Variants in ACAT1 observed in about 807,000 individuals in gnomAD.
ACAT1 encodes acetyl-CoA acetyltransferase, mitochondrial.
In ACAT1, 28 loss-of-function variants were observed where a neutral mutation model predicts 47.3. The observed-to-expected ratio is 0.59, with a 90% confidence interval of 0.44 to 0.81. ACAT1 has a LOEUF of 0.81. ACAT1 is among the 30% of genes least tolerant of loss of function. The probability of loss-of-function intolerance (pLI) is 0.00; values close to 1 mark genes in which losing one functional copy is unlikely to be tolerated. For synonymous variants in ACAT1, 181 were observed against 173.6 expected (o/e 1.04, Z -0.34); for missense variants, 469 against 524.3 (o/e 0.89, Z 1.03).
rs757381257 is a variant in ACAT1, at chr11:108,143,973, T to C, written c.941-10T>C. The C allele has an allele frequency of 4.3e-6, 3 of 689,756 alleles. No homozygotes were observed. The highest frequency in any genetic ancestry group is 7.4e-6 in the Non-Finnish European group (3 of 403,392). 42.7% of individuals were successfully genotyped at this position (689,756 alleles called of 1,614,324 possible). ...ATTTTAACAACCCCCCCCCCCCTTT[T>C]TTTAAACAGCATTTGCTGACGCTGC... On this transcript the variant is annotated splice_polypyrimidine_tract_variant and intron_variant, in intron 9 of 11. Transcript: ENST00000265838.
At chr11:108,119,299 G>A (rs957122973), upstream of ACAT1, among the ~76,000 whole-genome samples, 2 of 151,966 alleles carry the variant, frequency 1.3e-5, no homozygotes, top group African/African-American at 2.4e-5. Flanking sequence ...CACCTCCCAG[G>A]TTTAAGCAAT....
intron 1 of ACAT1, among the ~76,000 whole-genome samples, chr11:108,127,564 G>A (rs1019523743): frequency 6.6e-6 from 1 of 152,056 alleles, no homozygotes; most frequent in Non-Finnish European, 1.5e-5. Context: ...CACTGTGCCC[G>A]GCCTCATAAA....
intron 8 of ACAT1, among the ~76,000 whole-genome samples, chr11:108,141,912 C>T (rs1471660807): frequency 2.6e-5 from 4 of 151,974 alleles, no homozygotes; most frequent in African/African-American, 7.3e-5. Context: ...CTATAGAATT[C>T]AGTTTTTCAT....
intron 1 of ACAT1, among the ~76,000 whole-genome samples, chr11:108,129,928 AT>A (rs1305449253): frequency 6.6e-6 from 1 of 151,978 alleles, no homozygotes; most frequent in African/African-American, 2.4e-5. Flanking sequence ...TTTATTTTTT[AT>A]TTTTATATAT....
intron 1 of ACAT1, among the ~76,000 whole-genome samples, chr11:108,127,117 CA>C (rs2077265056): frequency 6.6e-6 from 1 of 151,688 alleles, no homozygotes; most frequent in African/African-American, 2.4e-5. Flanking sequence ...CACCTGGCCA[CA>C]AACAGGTTTT....
At chr11:108,121,865 T>C in intron 1 of ACAT1, 187 bp downstream of exon 1, 1 of 621,468 alleles carries the variant, frequency 1.6e-6, no homozygotes, top group Non-Finnish European at 2.8e-6. Context: ...GGGACTCGCC[T>C]ATTTTTACAG....
intron 7 of ACAT1, 34 bp from the exon 8 acceptor site, chr11:108,141,571 T>C (rs777334733): frequency 7.1e-6 from 11 of 1,546,368 alleles, no homozygotes; most frequent in Non-Finnish European, 9.8e-6. Context: ...ACTACTTGTT[T>C]TGAGCGATTT....
chr11:108,121,397 T>C (rs2077144235), upstream of ACAT1: 1 of 621,334 alleles, frequency 1.6e-6, no homozygotes, highest in Admixed American at 2.6e-5. Flanking sequence ...ATCCACGTCC[T>C]TCACTCGTCA....
chr11:108,117,062 G>A (rs1351254144), upstream of ACAT1, among the ~76,000 whole-genome samples: 2 of 152,084 alleles, frequency 1.3e-5, no homozygotes, highest in African/African-American at 2.4e-5. Flanking sequence ...TTGGGGTGAT[G>A]GGCAGAGGAA....
chr11:108,139,086 CTG>C, intron 6 of ACAT1, 45 bp downstream of exon 6: 7 of 1,608,490 alleles, frequency 4.4e-6, no homozygotes, highest in Non-Finnish European at 6.0e-6. Context: ...ATGTCCAATA[CTG>C]TTTGATTTTT....
upstream of ACAT1, among the ~76,000 whole-genome samples, chr11:108,117,958 C>T (rs973074536): frequency 7.2e-5 from 11 of 152,056 alleles, no homozygotes; most frequent in African/African-American, 2.2e-4. Flanking sequence ...ACAAGTTTGC[C>T]ACTAGATGGA....
At chr11:108,133,788 C>G in intron 2 of ACAT1, 32 bp from the exon 3 acceptor site, 1 of 1,516,146 alleles carries the variant, frequency 6.6e-7, no homozygotes, top group Non-Finnish European at 9.2e-7. Flanking sequence ...GGGTAAAATA[C>G]CTATAATTTT....
chr11:108,132,811 G>C (rs372348173), intron 2 of ACAT1, among the ~76,000 whole-genome samples: 1 of 124,638 alleles, frequency 8.0e-6, no homozygotes, highest in Non-Finnish European at 1.6e-5. Flanking sequence ...TTGAGATCAC[G>C]TGCCTGCACT....
chr11:108,144,134 T>C, intron 10 of ACAT1, 87 bp downstream of exon 10: 1 of 1,437,534 alleles, frequency 7.0e-7, no homozygotes, highest in South Asian at 1.2e-5. Context: ...TTTTAAATGT[T>C]ATCTGCCAAA....
intron 9 of ACAT1, chr11:108,142,843 AAAT>A (rs2077620208): frequency 5.6e-6 from 2 of 359,652 alleles, no homozygotes. Flanking sequence ...TCTTAAAAAA[AAAT>A]AAGGTTTCTA....
chr11:108,119,021 A>G (rs2077107646), upstream of ACAT1, among the ~76,000 whole-genome samples: 1 of 152,166 alleles, frequency 6.6e-6, no homozygotes, highest in Non-Finnish European at 1.5e-5. Flanking sequence ...TAGCAACCAG[A>G]CTGCCTAGAT....
intron 1 of ACAT1, among the ~76,000 whole-genome samples, chr11:108,125,857 C>T (rs1311356665): frequency 3.4e-5 from 5 of 148,802 alleles, no homozygotes; most frequent in East Asian, 4.1e-4. Context: ...ACCTGGGAGG[C>T]GGAGCTTGCA....
intron 10 of ACAT1, chr11:108,144,324 G>T (rs992073469): frequency 1.1e-4 from 49 of 449,598 alleles, no homozygotes; most frequent in Middle Eastern, 6.4e-4. Context: ...CACACACCTG[G>T]TGTGGTAACC....
At chr11:108,125,670 G>A (rs187059616) in intron 1 of ACAT1, among the ~76,000 whole-genome samples, 19 of 152,292 alleles carry the variant, frequency 1.2e-4, no homozygotes, top group Admixed American at 8.5e-4. Context: ...GCTCACGCCT[G>A]TAATCCCAGC....
Sources: gnomAD v4.1 joint callset for allele counts (sites outside exome capture counted in the v4.1 genomes callset) on GRCh38, gnomAD v4.1.1 for gene constraint, MANE v1.5 for transcripts, NCBI Gene and HGNC (gene_info 2026-07-23, HGNC 2026-07-21) for gene names.